GFRA1: variants seen among roughly 807,000 people sequenced by gnomAD.
GFRA1 encodes the protein GDNF family receptor alpha-1.
GFRA1 carries 16 observed loss-of-function variants against 51.6 expected under a neutral mutation model. That is an observed-to-expected ratio of 0.31 (90% CI 0.21 to 0.47). The LOEUF (loss-of-function observed/expected upper bound fraction) is 0.47. GFRA1 is among the 20% of genes least tolerant of loss of function. The pLI is 1.00. For missense variants in GFRA1, 530 were observed against 594.3 expected, an observed-to-expected ratio of 0.89 and a Z score of 1.13; for synonymous variants, 270 against 241.3, an observed-to-expected ratio of 1.12 and a Z score of -1.10.
intron 5 of GFRA1, among the ~76,000 whole-genome samples, chr10:116,134,749 C>A (rs979473914): frequency 6.6e-6 from 1 of 152,140 alleles, no homozygotes; most frequent in Non-Finnish European, 1.5e-5. Flanking sequence ...GGAAATAATT[C>A]TTTGGTCTGG....
At chr10:116,201,636 C>T (rs1019084482) in intron 5 of GFRA1, among the ~76,000 whole-genome samples, 31 of 152,128 alleles carry the variant, frequency 2.0e-4, no homozygotes, top group African/African-American at 7.0e-4. Context: ...AAAGCTTCCT[C>T]CTGCACTGGA....
chr10:116,210,938 G>T (rs1965145057), intron 5 of GFRA1, among the ~76,000 whole-genome samples: 1 of 152,170 alleles, frequency 6.6e-6, no homozygotes, highest in African/African-American at 2.4e-5. Flanking sequence ...TATCCAGAAG[G>T]TTCGAGGAGG....
intron 5 of GFRA1, among the ~76,000 whole-genome samples, chr10:116,130,597 T>G (rs916889043): frequency 2.0e-5 from 3 of 152,058 alleles, no homozygotes; most frequent in Non-Finnish European, 4.4e-5. Flanking sequence ...CTCATAAATA[T>G]CCCACACATC....
chr10:116,213,494 T>G (rs1272830616), intron 4 of GFRA1, among the ~76,000 whole-genome samples: 1 of 152,234 alleles, frequency 6.6e-6, no homozygotes, highest in Admixed American at 6.5e-5. Context: ...GGTCACCTTT[T>G]TACATTTTAT....
intron 6 of GFRA1, among the ~76,000 whole-genome samples, chr10:116,114,954 G>A (rs1957353750): frequency 6.6e-6 from 1 of 152,174 alleles, no homozygotes; most frequent in African/African-American, 2.4e-5. Context: ...GCCTCCAGTG[G>A]CTGGTGTCAT....
chr10:116,089,645 T>C, intron 9 of GFRA1, 96 bp downstream of exon 9: 1 of 1,027,146 alleles, frequency 9.7e-7, no homozygotes. Context: ...GCATTCGTCA[T>C]CTCTCTCTGC....
Position 116,217,424 on chromosome 10 carries a change from G to A in GFRA1, c.419-5779C>T, listed in dbSNP as rs143325431. Among the ~76,000 whole-genome samples, 605 of 152,346 alleles carry A rather than the reference G, an allele frequency of 4.0e-3. 1 individual carries two copies. The highest frequency in any genetic ancestry group is 0.01 in the Middle Eastern group (3 of 294). On this transcript the variant is annotated intron_variant, in intron 4 of 10. Coordinates refer to ENST00000355422, the MANE Select transcript of GFRA1 (RefSeq NM_005264.8). ...AGTACTTTGTAGTCAAATAATATTT[G>A]TTCAATCCTGGCAAAGGCCAGCATC...
chr10:116,080,463 C>T (rs1410795261), intron 9 of GFRA1, among the ~76,000 whole-genome samples: 1 of 152,072 alleles, frequency 6.6e-6, no homozygotes, highest in Non-Finnish European at 1.5e-5. Context: ...CTTGTGTAAC[C>T]AAATATGACC....
intron 6 of GFRA1, among the ~76,000 whole-genome samples, chr10:116,121,741 C>A (rs1485556387): frequency 6.6e-6 from 1 of 152,136 alleles, no homozygotes; most frequent in South Asian, 2.1e-4. Context: ...CCATCCCTTC[C>A]CTTTGGGGCT....
chr10:116,089,706 G>C, intron 9 of GFRA1, 35 bp downstream of exon 9: 1 of 1,583,596 alleles, frequency 6.3e-7, no homozygotes, highest in East Asian at 2.2e-5. Context: ...CACCAGGAAG[G>C]GAGCCCCAGC....
Position 116,063,596 on chromosome 10 carries a change from A to C in GFRA1, c.*802T>G, listed in dbSNP as rs1310962064. ...ACCTCATATGTGTAAAGAGTATTAG[A>C]GCGACATTTCAGCTATATTGGACTT... On this transcript the variant is annotated 3_prime_UTR_variant, in exon 11 of 11. Transcript: ENST00000355422. 1 of 152,196 alleles carries C rather than the reference A, an allele frequency of 6.6e-6. No individual in the cohort carries two copies. The highest frequency in any genetic ancestry group is 1.5e-5 in the Non-Finnish European group (1 of 68,040). The allele number at this position is 152,196 out of a possible 1,614,324, so 9.4% of individuals were successfully genotyped here.
chr10:116,234,226 G>A (rs1452878529), intron 4 of GFRA1, among the ~76,000 whole-genome samples: 1 of 152,042 alleles, frequency 6.6e-6, no homozygotes, highest in East Asian at 1.9e-4. Context: ...TAAAGTCCCT[G>A]GAAAAACTAG....
At chr10:116,237,574 CAAA>C (rs5788145) in intron 4 of GFRA1, among the ~76,000 whole-genome samples, 1,518 of 112,508 alleles carry the variant, frequency 0.013, 32 homozygotes, top group African/African-American at 0.041. Flanking sequence ...AAACTAAAGG[CAAA>C]AAAAAAAAAA....
intron 5 of GFRA1, among the ~76,000 whole-genome samples, chr10:116,191,061 G>A (rs1275048692): frequency 6.6e-6 from 1 of 152,170 alleles, no homozygotes; most frequent in African/African-American, 2.4e-5. Flanking sequence ...AGGCAGTTTG[G>A]TATCAATGCA....
At chr10:116,199,537 CA>C (rs767149221) in intron 5 of GFRA1, among the ~76,000 whole-genome samples, 37 of 152,350 alleles carry the variant, frequency 2.4e-4, no homozygotes, top group Non-Finnish European at 4.1e-4. Context: ...TGCTTTACCA[CA>C]AATCTATACT....
At chr10:116,150,643 T>C (rs1959023928) in intron 5 of GFRA1, among the ~76,000 whole-genome samples, 1 of 152,230 alleles carries the variant, frequency 6.6e-6, no homozygotes, top group Non-Finnish European at 1.5e-5. Flanking sequence ...ATCACTCTAG[T>C]ATATTGACTT....
At chr10:116,088,332 A>C (rs1054597842) in intron 9 of GFRA1, among the ~76,000 whole-genome samples, 11 of 152,134 alleles carry the variant, frequency 7.2e-5, no homozygotes. Context: ...AGTGATAAGC[A>C]TGAGGCGACA....
rs750944808 is a variant in GFRA1, at chr10:116,125,301, C to A, written c.690G>T (p.Val230=). The A allele has an allele frequency of 2.5e-6, 4 of 1,614,230 alleles. No homozygotes were observed. In the South Asian group the frequency reaches 3.3e-5, roughly 13 times the overall value. Residue 230 remains valine (V), a synonymous_variant, in exon 6 of 11, where the codon GTG becomes GTT. Transcript: ENST00000355422. ...ACTERRRQTI[V]PVCSYEEREK... is the part of the protein sequence containing the mutation. ...CCCTCTCTTCATAGGAGCACACAGG[C>A]ACGATGGTCTGTCGCCTCCGCTCTG... is the stretch of plus-strand genomic sequence containing the variant.
chr10:116,216,145 T>C (rs1965547765), intron 4 of GFRA1, among the ~76,000 whole-genome samples: 1 of 152,174 alleles, frequency 6.6e-6, no homozygotes, highest in Non-Finnish European at 1.5e-5. Flanking sequence ...AAAGACTCGA[T>C]TATTTATTAT....
Sources: allele counts gnomAD v4.1 joint callset (sites outside exome capture counted in the v4.1 genomes callset), GRCh38; gene constraint gnomAD v4.1.1; transcripts MANE v1.5; gene names NCBI Gene and HGNC (gene_info 2026-07-23, HGNC 2026-07-21).